PDE6D: variants seen among roughly 807,000 people sequenced by gnomAD.
PDE6D encodes retinal rod rhodopsin-sensitive cGMP 3',5'-cyclic phosphodiesterase subunit delta.
PDE6D carries 10 observed loss-of-function variants against 21.9 expected under a neutral mutation model. The ratio of observed to expected loss-of-function variants is 0.46; its 90% CI spans 0.28 to 0.78. The LOEUF is 0.78. Ranked by LOEUF, PDE6D falls within the 30% of genes least tolerant of loss-of-function variation. PDE6D has a pLI of 0.12. For missense variants in PDE6D, 139 were observed against 184.8 expected, an observed-to-expected ratio of 0.75 and a Z score of 1.44; for synonymous variants, 59 against 63.5, an observed-to-expected ratio of 0.93 and a Z score of 0.34.
At chr2:231,754,681 C>CTT (rs112353154) in intron 1 of PDE6D, among the ~76,000 whole-genome samples, 10 of 144,082 alleles carry the variant, frequency 6.9e-5, no homozygotes, top group East Asian at 2.0e-4. Flanking sequence ...CTTCTTTTGT[C>CTT]TTTTTTTTTT....
chr2:231,775,243 C>T (rs547664664), intron 1 of PDE6D, among the ~76,000 whole-genome samples: 6 of 151,832 alleles, frequency 4.0e-5, no homozygotes, highest in African/African-American at 1.4e-4. Context: ...CGTACAGTGC[C>T]ACTTTCAGGA....
rs561604556 is a variant in PDE6D, at chr2:231,750,660, A to ATT, written c.51-11474_51-11473dup. Among the ~76,000 whole-genome samples, 153 of 92,078 alleles carry ATT rather than the reference A, an allele frequency of 1.7e-3. 8 individuals carry two copies. The highest frequency in any genetic ancestry group is 8.0e-3 in the African/African-American group (126 of 15,828). 60.4% of individuals were successfully genotyped at this position (92,078 alleles called of 152,430 possible). A position where few individuals can be genotyped will look rare whatever the true frequency, so the allele number is the denominator to read the frequency against. On this transcript the variant is annotated intron_variant, in intron 1 of 4. Coordinates refer to ENST00000287600, the MANE Select transcript of PDE6D (RefSeq NM_002601.4). ...AGGTGTGTGCCACCATGCTCATCTA[A>ATT]TTTTTTTTTTTTTTTTTTTTTTTTT... is the stretch of plus-strand genomic sequence containing the variant.
At chr2:231,755,237 G>A (rs1263931491) in intron 1 of PDE6D, among the ~76,000 whole-genome samples, 1 of 150,742 alleles carries the variant, frequency 6.6e-6, no homozygotes, top group East Asian at 1.9e-4. Context: ...TTGGCACTTT[G>A]TTACAGCAGC....
At chr2:231,740,027 A>C (rs1252908153) in intron 1 of PDE6D, among the ~76,000 whole-genome samples, 2 of 152,222 alleles carry the variant, frequency 1.3e-5, no homozygotes, top group Admixed American at 1.3e-4. Flanking sequence ...ACAGATAAAG[A>C]CATAAGTTTT....
intron 1 of PDE6D, among the ~76,000 whole-genome samples, chr2:231,744,024 A>G (rs975856083): frequency 2.6e-5 from 4 of 152,230 alleles, no homozygotes; most frequent in African/African-American, 4.8e-5. Context: ...CTACGGCAAC[A>G]TGGACATCAG....
intron 1 of PDE6D, among the ~76,000 whole-genome samples, chr2:231,769,250 C>T (rs919586855): frequency 2.0e-5 from 3 of 152,186 alleles, no homozygotes; most frequent in African/African-American, 7.2e-5. Flanking sequence ...GAATGAATGG[C>T]CAGTGAGTGG....
chr2:231,756,200 G>A (rs781365406), intron 1 of PDE6D, among the ~76,000 whole-genome samples: 3 of 152,114 alleles, frequency 2.0e-5, no homozygotes, highest in Non-Finnish European at 2.9e-5. Flanking sequence ...AGTTTTGGGG[G>A]CAGACCATTT....
At chr2:231,780,555 G>A (rs1429524232) in intron 1 of PDE6D, among the ~76,000 whole-genome samples, 1 of 152,088 alleles carries the variant, frequency 6.6e-6, no homozygotes, top group African/African-American at 2.4e-5. Flanking sequence ...CGGTGCGGTG[G>A]GGGACCTGAG....
At chr2:231,762,758 C>T (rs770758951) in intron 1 of PDE6D, among the ~76,000 whole-genome samples, 1 of 152,012 alleles carries the variant, frequency 6.6e-6, no homozygotes, top group Non-Finnish European at 1.5e-5. Flanking sequence ...ATATTTCTTA[C>T]CCTATTCAGC....
intron 1 of PDE6D, among the ~76,000 whole-genome samples, chr2:231,750,402 T>C (rs975754585): frequency 6.6e-6 from 1 of 152,280 alleles, no homozygotes. Flanking sequence ...GGACAATATC[T>C]TTAAATTCAT....
intron 1 of PDE6D, among the ~76,000 whole-genome samples, chr2:231,760,207 G>T (rs1200378051): frequency 6.6e-6 from 1 of 152,154 alleles, no homozygotes; most frequent in Non-Finnish European, 1.5e-5. Context: ...ACTTTACCAA[G>T]ATATGGAAAG....
chr2:231,763,455 T>G (rs1158286351), intron 1 of PDE6D, among the ~76,000 whole-genome samples: 1 of 152,156 alleles, frequency 6.6e-6, no homozygotes, highest in African/African-American at 2.4e-5. Context: ...TATTGGGGAT[T>G]CCACAGCTGT....
intron 1 of PDE6D, among the ~76,000 whole-genome samples, chr2:231,752,827 T>C (rs1290914054): frequency 7.0e-6 from 1 of 142,328 alleles, no homozygotes. Context: ...TTTGAGAGAT[T>C]TGAGTTTTTT....
intron 4 of PDE6D, among the ~76,000 whole-genome samples, chr2:231,735,519 C>T (rs1434434676): frequency 4.0e-5 from 6 of 150,898 alleles, no homozygotes; most frequent in African/African-American, 7.3e-5. Flanking sequence ...AAGATGGTCT[C>T]GATTTCCTGA....
At position 231,781,260 on chromosome 2, in the gene PDE6D, TC is replaced by T; in HGVS notation, c.-147del. ...GGCCAGACCAGGACCGGCCTCTCTC[TC>T]CCCTCAGCTCCCGCTTCTGATCCCT... On this transcript the variant is annotated 5_prime_UTR_variant, in exon 1 of 5. Coordinates refer to ENST00000287600, the MANE Select transcript of PDE6D (RefSeq NM_002601.4). The T allele has an allele frequency of 1.5e-6, 1 of 668,096 alleles. No homozygotes were observed. Among genetic ancestry groups the T allele is most frequent in the Non-Finnish European group, 2.6e-6 (1 of 379,010 alleles). 41.4% of individuals were successfully genotyped at this position (668,096 alleles called of 1,614,324 possible).
intron 1 of PDE6D, 84 bp downstream of exon 1, chr2:231,780,981 C>A: frequency 8.2e-7 from 1 of 1,226,014 alleles, no homozygotes; most frequent in Non-Finnish European, 1.2e-6. Flanking sequence ...GCCCACCTGG[C>A]GCGGCCCCCG....
intron 1 of PDE6D, among the ~76,000 whole-genome samples, chr2:231,759,232 G>C (rs755035181): frequency 3.9e-5 from 6 of 152,006 alleles, no homozygotes; most frequent in Non-Finnish European, 8.8e-5. Flanking sequence ...TGGGAGGATT[G>C]CTTTAGCCCA....
At chr2:231,755,860 C>A (rs1352433842) in intron 1 of PDE6D, among the ~76,000 whole-genome samples, 1 of 151,758 alleles carries the variant, frequency 6.6e-6, no homozygotes, top group African/African-American at 2.4e-5. Flanking sequence ...GCAGAGGTTG[C>A]AGTGAGCTGA....
At chr2:231,762,253 G>C (rs1184971727) in intron 1 of PDE6D, among the ~76,000 whole-genome samples, 2 of 151,252 alleles carry the variant, frequency 1.3e-5, no homozygotes, top group South Asian at 4.2e-4. Context: ...TATGTGTGTG[G>C]CTATTAAAAA....
Sources: gnomAD v4.1 joint callset for allele counts (sites outside exome capture counted in the v4.1 genomes callset) on GRCh38, gnomAD v4.1.1 for gene constraint, MANE v1.5 for transcripts, NCBI Gene and HGNC (gene_info 2026-07-23, HGNC 2026-07-21) for gene names.